SLC12A6: variants seen among roughly 807,000 people sequenced by gnomAD.
SLC12A6 encodes K-Cl cotransporter 3.
Under a neutral mutation model 135.3 loss-of-function variants are expected in SLC12A6, and 66 were observed. The ratio of observed to expected loss-of-function variants is 0.49; its 90% confidence interval spans 0.40 to 0.60. SLC12A6 has a LOEUF of 0.60. Ranked by LOEUF, SLC12A6 falls within the 20% of genes least tolerant of loss-of-function variation. The pLI is 0.00. For synonymous variants in SLC12A6, 513 were observed against 508.8 expected (o/e 1.01, Z -0.11); for missense variants, 1,058 against 1,452.3 (o/e 0.73, Z 4.41).
intron 2 of SLC12A6, among the ~76,000 whole-genome samples, chr15:34,287,102 C>A (rs1595502102): frequency 6.6e-6 from 1 of 152,238 alleles, no homozygotes; most frequent in South Asian, 2.1e-4. Flanking sequence ...ATCAACCCGT[C>A]ATCTACATTA....
chr15:34,327,625 T>G (rs1035672099), intron 2 of SLC12A6, among the ~76,000 whole-genome samples: 1 of 151,120 alleles, frequency 6.6e-6, no homozygotes, highest in African/African-American at 2.4e-5. Flanking sequence ...ATCACTGCAC[T>G]ACAGCCTGGG....
chr15:34,336,153 A>C (rs544139641), intron 2 of SLC12A6, among the ~76,000 whole-genome samples: 1 of 152,336 alleles, frequency 6.6e-6, no homozygotes, highest in African/African-American at 2.4e-5. Context: ...ATTTCTAAGA[A>C]GACAAAAATG....
chr15:34,333,527 G>A (rs1444574591), intron 2 of SLC12A6, among the ~76,000 whole-genome samples: 1 of 151,926 alleles, frequency 6.6e-6, no homozygotes, highest in Non-Finnish European at 1.5e-5. Flanking sequence ...CACCGTGCCT[G>A]GCTCCACTCT....
In SLC12A6 at chr15:34,251,039, T is replaced by C; in HGVS notation, c.1352A>G (p.Tyr451Cys). 1 of 1,609,450 alleles carries C rather than the reference T, an allele frequency of 6.2e-7. No individual in the cohort carries two copies. The highest frequency in any genetic ancestry group is 8.5e-7 in the Non-Finnish European group (1 of 1,176,150). The change falls in exon 11 of 26, where the codon TAC becomes TGC. Residue 451 changes from tyrosine (Y) to cysteine (C), a missense_variant. Transcript: ENST00000354181. ...GIITENLWSNYLPKGEIIEKP... is the reference protein window; with the variant it reads ...GIITENLWSNCLPKGEIIEKP... ...TTCGATGATCTCTCCCTTGGGTAGG[T>C]AATTACTCCAAAGATTCTCTGCAGT...
chr15:34,295,279 G>C (rs1183951451), intron 2 of SLC12A6, among the ~76,000 whole-genome samples: 2 of 152,182 alleles, frequency 1.3e-5, no homozygotes, highest in Non-Finnish European at 2.9e-5. Context: ...AGATAACACA[G>C]AACTGGGAAG....
intron 10 of SLC12A6, among the ~76,000 whole-genome samples, chr15:34,251,867 C>T (rs1007922577): frequency 3.3e-5 from 5 of 152,142 alleles, no homozygotes; most frequent in South Asian, 2.1e-4. Context: ...GCAGGAAGAA[C>T]ATTGGCAATT....
chr15:34,288,664 C>T (rs1302662709), intron 2 of SLC12A6, among the ~76,000 whole-genome samples: 1 of 152,158 alleles, frequency 6.6e-6, no homozygotes. Context: ...TTTCCTTGGG[C>T]AGTGGTTTGT....
intron 2 of SLC12A6, among the ~76,000 whole-genome samples, chr15:34,289,016 A>G (rs1405214185): frequency 6.6e-6 from 1 of 152,104 alleles, no homozygotes; most frequent in African/African-American, 2.4e-5. Context: ...AACTTTCAAC[A>G]CTATGTTGAA....
intron 2 of SLC12A6, among the ~76,000 whole-genome samples, chr15:34,324,113 G>C (rs144004903): frequency 2.6e-5 from 4 of 151,874 alleles, no homozygotes; most frequent in African/African-American, 7.3e-5. Context: ...AAATAAAAGC[G>C]TAAGTCCACA....
chr15:34,267,030 C>A (rs1365986697), intron 3 of SLC12A6, among the ~76,000 whole-genome samples: 2 of 152,046 alleles, frequency 1.3e-5, no homozygotes, highest in Non-Finnish European at 2.9e-5. Context: ...TCCTTAATGA[C>A]ATTTTCCCCT....
At chr15:34,253,930 A>G (rs938651221) in intron 9 of SLC12A6, among the ~76,000 whole-genome samples, 1 of 152,214 alleles carries the variant, frequency 6.6e-6, no homozygotes, top group Non-Finnish European at 1.5e-5. Context: ...AAAAGCCCTG[A>G]CCTAGGCTGG....
At chr15:34,254,984 T>C (rs1389846401) in intron 8 of SLC12A6, among the ~76,000 whole-genome samples, 1 of 152,200 alleles carries the variant, frequency 6.6e-6, no homozygotes, top group African/African-American at 2.4e-5. Flanking sequence ...GGGATGAAGA[T>C]ATCAAAAAAG....
At chr15:34,318,752 T>C in intron 2 of SLC12A6, 1 of 1,603,610 alleles carries the variant, frequency 6.2e-7, no homozygotes, top group Non-Finnish European at 8.5e-7. Context: ...GCCTACCTCT[T>C]CCTTGCTGTC....
chr15:34,336,237 G>A lies in SLC12A6; in HGVS notation c.271+173C>T, dbSNP rs1890185098. ...ACATACCAAATTACTACTGCAAAGA[G>A]CCACTATGCTATTATTCCAAAGAGT... On this transcript the variant is annotated intron_variant, in intron 2 of 25. Coordinates refer to ENST00000354181, the MANE Select transcript of SLC12A6 (RefSeq NM_001365088.1). Among the ~76,000 whole-genome samples the A allele has an allele frequency of 2.0e-5, 3 of 152,088 alleles. No individual in the cohort carries two copies. In the South Asian group the frequency reaches 6.2e-4, roughly 31 times the overall value.
At position 34,256,220 on chromosome 15, in the gene SLC12A6, C is replaced by G. The variant is rs369891876; in HGVS notation, c.745+9G>C. 3.1e-4 allele frequency: 479 copies of G among 1,563,196 alleles called. No individual in the cohort carries two copies. The highest frequency in any genetic ancestry group is 4.0e-4 in the Non-Finnish European group (451 of 1,133,822). On this transcript the variant is annotated intron_variant, in intron 7 of 25. Coordinates refer to ENST00000354181, the MANE Select transcript of SLC12A6 (RefSeq NM_001365088.1). ...GATAAATCCTGAAATACAACCTTGA[C>G]CTACTAACCTGGCACCACTCCATTA... is the stretch of plus-strand genomic sequence containing the variant.
intron 6 of SLC12A6, among the ~76,000 whole-genome samples, chr15:34,256,505 T>C (rs1892760980): frequency 1.3e-5 from 2 of 152,182 alleles, no homozygotes; most frequent in East Asian, 1.9e-4. Flanking sequence ...CCCACATCAG[T>C]AGGTCAGGTG....
intron 13 of SLC12A6, among the ~76,000 whole-genome samples, chr15:34,246,599 T>C (rs1892006369): frequency 6.6e-6 from 1 of 152,144 alleles, no homozygotes; most frequent in Non-Finnish European, 1.5e-5. Context: ...ATAATTAACA[T>C]CTTTATGCAC....
intron 2 of SLC12A6, among the ~76,000 whole-genome samples, chr15:34,279,723 C>T (rs426634): frequency 0.38 from 58,499 of 152,112 alleles, 14,300 homozygotes; most frequent in African/African-American, 0.71. Flanking sequence ...AGTTTTACCC[C>T]ATGATGGTCT....
chr15:34,306,148 GTTGT>G (rs1199179299), intron 2 of SLC12A6, among the ~76,000 whole-genome samples: 1 of 152,214 alleles, frequency 6.6e-6, no homozygotes, highest in Non-Finnish European at 1.5e-5. Context: ...CCCCAGATGG[GTTGT>G]TTATCTTTGT....
Sources: allele counts gnomAD v4.1 joint callset (sites outside exome capture counted in the v4.1 genomes callset), GRCh38; gene constraint gnomAD v4.1.1; transcripts MANE v1.5; gene names NCBI Gene and HGNC (gene_info 2026-07-23, HGNC 2026-07-21).